The following ACTR3C variants were observed in gnomAD, a reference collection of about 807,000 sequenced individuals.
ACTR3C encodes actin related protein 3C.
A neutral mutation model predicts 26.3 loss-of-function variants in ACTR3C; 18 were observed. That is an observed-to-expected ratio of 0.68 (90% CI 0.47 to 1.01). The LOEUF is 1.01. ACTR3C is among the 50% of genes least tolerant of loss of function. ACTR3C has a pLI of 0.00. For missense variants in ACTR3C, 184 were observed against 250.7 expected, an observed-to-expected ratio of 0.73 and a Z score of 1.80; for synonymous variants, 55 against 94.5, an observed-to-expected ratio of 0.58 and a Z score of 2.42.
intron 7 of ACTR3C, chr7:150,248,094 C>T (rs1242455384): frequency 1.3e-5 from 2 of 152,334 alleles, no homozygotes; most frequent in African/African-American, 2.4e-5. Context: ...CTGCCCCTGC[C>T]AGGGTTTCAG....
the ACTR3C span, among the ~76,000 whole-genome samples, chr7:149,995,176 C>T: frequency 6.6e-6 from 1 of 152,196 alleles, no homozygotes. Context: ...ATATAAAGCT[C>T]CATGCAATGT....
At chr7:150,180,034 A>G in the ACTR3C span, among the ~76,000 whole-genome samples, 32 of 150,924 alleles carry the variant, frequency 2.1e-4, no homozygotes, top group East Asian at 5.1e-3. Flanking sequence ...GGCCGGGCGC[A>G]GTGGCTCATG....
chr7:150,034,576 T>C, the ACTR3C span, among the ~76,000 whole-genome samples: 2 of 151,754 alleles, frequency 1.3e-5, no homozygotes, highest in Admixed American at 1.3e-4. Flanking sequence ...CTCACCTGCC[T>C]TCTGCCCTTA....
At chr7:149,921,333 G>C in the ACTR3C span, among the ~76,000 whole-genome samples, 9 of 151,808 alleles carry the variant, frequency 5.9e-5, no homozygotes, top group African/African-American at 2.2e-4. Flanking sequence ...CTTTCCTACC[G>C]TGGTCTACGT....
the ACTR3C span, among the ~76,000 whole-genome samples, chr7:150,129,755 A>G: frequency 7.7e-3 from 1,165 of 152,272 alleles, 13 homozygotes; most frequent in African/African-American, 0.026. Context: ...TAACATGCCA[A>G]TTCTCCGAAA....
At chr7:150,041,834 GT>G in the ACTR3C span, among the ~76,000 whole-genome samples, 1 of 137,738 alleles carries the variant, frequency 7.3e-6, no homozygotes, top group African/African-American at 2.8e-5. Flanking sequence ...AGAGCCAGGG[GT>G]GGAAGAGGGG....
At chr7:150,036,161 T>A in the ACTR3C span, among the ~76,000 whole-genome samples, 10 of 121,520 alleles carry the variant, frequency 8.2e-5, 2 homozygotes, top group Non-Finnish European at 1.3e-4. Flanking sequence ...GGGGGGTGCC[T>A]CCCCCCCCGC....
chr7:150,044,373 G>A, the ACTR3C span, among the ~76,000 whole-genome samples: 56 of 152,094 alleles, frequency 3.7e-4, 1 homozygote, highest in East Asian at 1.5e-3. Flanking sequence ...TTCCTCAGAG[G>A]AGTTGCCCAA....
intron 6 of ACTR3C, among the ~76,000 whole-genome samples, chr7:150,250,425 G>C (rs1371423756): frequency 2.0e-5 from 3 of 151,688 alleles, no homozygotes; most frequent in Non-Finnish European, 4.4e-5. Flanking sequence ...GGATGGTCTT[G>C]ACCTCCTGAC....
At chr7:150,074,240 T>C in the ACTR3C span, 2 of 152,182 alleles carry the variant, frequency 1.3e-5, no homozygotes, top group Admixed American at 6.5e-5. Context: ...AGCTTGATGA[T>C]TCACTAGGAT....
the ACTR3C span, among the ~76,000 whole-genome samples, chr7:150,006,162 A>G: frequency 6.6e-6 from 1 of 151,724 alleles, no homozygotes; most frequent in Non-Finnish European, 1.5e-5. Flanking sequence ...AGGCTTCCCA[A>G]TAAATACGAC....
the ACTR3C span, among the ~76,000 whole-genome samples, chr7:149,894,485 T>C: frequency 6.6e-6 from 1 of 152,126 alleles, no homozygotes; most frequent in African/African-American, 2.4e-5. Flanking sequence ...ATTTGCAAAC[T>C]ATCTACCTGA....
At chr7:150,003,705 G>A in the ACTR3C span, among the ~76,000 whole-genome samples, 1 of 152,164 alleles carries the variant, frequency 6.6e-6, no homozygotes, top group African/African-American at 2.4e-5. Flanking sequence ...TGTGTGTGCT[G>A]TATGTGTGGT....
chr7:149,956,662 C>A, the ACTR3C span, among the ~76,000 whole-genome samples: 7 of 151,790 alleles, frequency 4.6e-5, no homozygotes, highest in African/African-American at 1.7e-4. Flanking sequence ...CAGATATGGC[C>A]CTTTTCTTCA....
At chr7:150,092,730 GCCT>G in the ACTR3C span, among the ~76,000 whole-genome samples, 2 of 150,472 alleles carry the variant, frequency 1.3e-5, no homozygotes, top group Non-Finnish European at 2.9e-5. Context: ...GGCATGTTAT[GCCT>G]CAGTTCAGGC....
the ACTR3C span, among the ~76,000 whole-genome samples, chr7:150,115,058 G>T: frequency 6.6e-6 from 1 of 152,064 alleles, no homozygotes; most frequent in Admixed American, 6.5e-5. Flanking sequence ...CCCACGTCTA[G>T]GAAATGTAGC....
At chr7:150,088,021 T>C in the ACTR3C span, among the ~76,000 whole-genome samples, 1,303 of 152,350 alleles carry the variant, frequency 8.6e-3, 8 homozygotes, top group Admixed American at 0.018. Context: ...CCATTTTCAA[T>C]TGGGTTACTT....
intron 1 of ACTR3C, among the ~76,000 whole-genome samples, chr7:150,303,772 C>G (rs994734601): frequency 7.9e-5 from 12 of 152,218 alleles, no homozygotes; most frequent in African/African-American, 2.9e-4. Flanking sequence ...TCCAGTTATT[C>G]TGGGGTTTTT....
the ACTR3C span, among the ~76,000 whole-genome samples, chr7:150,035,627 G>C: frequency 3.7e-5 from 5 of 136,014 alleles, no homozygotes; most frequent in African/African-American, 1.1e-4. Context: ...CGGAAGATTT[G>C]AACTTTCTAC....
Sources: allele counts gnomAD v4.1 joint callset (sites outside exome capture counted in the v4.1 genomes callset), GRCh38; gene constraint gnomAD v4.1.1; transcripts MANE v1.5; gene names NCBI Gene and HGNC (gene_info 2026-07-23, HGNC 2026-07-21).